RAD54L2: variants seen among roughly 807,000 people sequenced by gnomAD.
RAD54L2 encodes helicase ARIP4.
Under a neutral mutation model 138.4 loss-of-function variants are expected in RAD54L2, and 27 were observed. The observed-to-expected ratio is 0.20, with a 90% CI of 0.14 to 0.27. The LOEUF (loss-of-function observed/expected upper bound fraction) is 0.27, where lower values mean the gene tolerates loss of function less well. RAD54L2 is among the 10% of genes least tolerant of loss of function. The pLI, the probability that RAD54L2 is intolerant of heterozygous loss-of-function variation, is 1.00. For synonymous variants in RAD54L2, 644 were observed against 723.2 expected (o/e 0.89, Z 1.76); for missense variants, 1,396 against 1,890.2 (o/e 0.74, Z 4.85).
intron 2 of RAD54L2, among the ~76,000 whole-genome samples, chr3:51,567,847 C>CCCTCA (rs1484044441): frequency 2.7e-5 from 4 of 149,700 alleles, no homozygotes; most frequent in Non-Finnish European, 5.9e-5. Context: ...AGGAATAAGG[C>CCCTCA]AGGAGAATCC....
chr3:51,573,440 AATCT>A (rs1442251746), intron 2 of RAD54L2, among the ~76,000 whole-genome samples: 1 of 151,706 alleles, frequency 6.6e-6, no homozygotes, highest in African/African-American at 2.4e-5. Context: ...TTATATTTCA[AATCT>A]ATCTATTTTT....
At chr3:51,650,452 G>A (rs1006439438) in intron 19 of RAD54L2, among the ~76,000 whole-genome samples, 6 of 152,172 alleles carry the variant, frequency 3.9e-5, no homozygotes, top group Admixed American at 1.3e-4. Context: ...GACATCTACA[G>A]AATTCTCCAC....
chr3:51,548,251 C>T (rs956009844), intron 2 of RAD54L2, among the ~76,000 whole-genome samples: 3 of 151,804 alleles, frequency 2.0e-5, no homozygotes, highest in African/African-American at 4.8e-5. Flanking sequence ...TGCAGTGGCA[C>T]GATCTCAGCT....
intron 7 of RAD54L2, among the ~76,000 whole-genome samples, chr3:51,632,746 G>C (rs1217049777): frequency 2.0e-5 from 3 of 152,078 alleles, no homozygotes; most frequent in Admixed American, 2.0e-4. Context: ...ACAAAAATTA[G>C]GTGGGCATGG....
Position 51,638,275 on chromosome 3 carries a change from G to T in RAD54L2, c.1814G>T (p.Gly605Val). The T allele has an allele frequency of 6.2e-7, 1 of 1,614,034 alleles. No homozygotes were observed. Among genetic ancestry groups the T allele is most frequent in the Non-Finnish European group, 8.5e-7 (1 of 1,179,896 alleles). The change falls in exon 12 of 23, where the codon GGT (glycine) becomes GTT (valine). Residue 605 changes from glycine to valine, a missense_variant. Physicochemically the swap from Gly to Val is moderately radical, Grantham distance 109. Coordinates refer to ENST00000684192, the MANE Select transcript of RAD54L2 (RefSeq NM_015106.4). The surrounding 1 kb of genome is among the most constrained non-coding windows in gnomAD (Gnocchi z 4.3). ...CGCTTCCGGGACTGTGGTAGCAGCG[G>T]TTGGCTGGGGCTGAACCCCCTTAAG... ...MDRFRDCGSS[G>V]WLGLNPLKAF...
At chr3:51,577,630 G>A (rs1447619923) in intron 2 of RAD54L2, among the ~76,000 whole-genome samples, 1 of 152,070 alleles carries the variant, frequency 6.6e-6, no homozygotes, top group Non-Finnish European at 1.5e-5. Flanking sequence ...GATCTTTGTT[G>A]GTTTAAAGTC....
intron 15 of RAD54L2, among the ~76,000 whole-genome samples, chr3:51,643,598 G>A (rs1013169809): frequency 2.6e-5 from 4 of 152,246 alleles, no homozygotes; most frequent in Admixed American, 1.3e-4. Flanking sequence ...TATACATTCC[G>A]AAGTCTAGGA....
intron 21 of RAD54L2, among the ~76,000 whole-genome samples, chr3:51,658,538 T>A (rs1024695669): frequency 1.3e-5 from 2 of 152,174 alleles, no homozygotes; most frequent in African/African-American, 2.4e-5. Flanking sequence ...TCTAAGCCTG[T>A]TTTTTTCCCC....
chr3:51,579,283 G>C (rs193093789), intron 2 of RAD54L2, among the ~76,000 whole-genome samples: 1 of 151,798 alleles, frequency 6.6e-6, no homozygotes. Flanking sequence ...GTGCAGGATG[G>C]GGGGCAGGGC....
At chr3:51,604,185 A>T (rs1452720218) in intron 3 of RAD54L2, among the ~76,000 whole-genome samples, 2 of 152,180 alleles carry the variant, frequency 1.3e-5, no homozygotes, top group African/African-American at 4.8e-5. Flanking sequence ...ATAAACTGGA[A>T]GATGCCATTT....
intron 19 of RAD54L2, among the ~76,000 whole-genome samples, chr3:51,652,067 C>T (rs1322592271): frequency 6.6e-6 from 1 of 152,208 alleles, no homozygotes; most frequent in Non-Finnish European, 1.5e-5. Flanking sequence ...TCTCCTTAAG[C>T]TGATAAGCAA....
At chr3:51,631,091 T>C (rs573901978) in intron 7 of RAD54L2, among the ~76,000 whole-genome samples, 160 bp downstream of exon 7, 1 of 152,344 alleles carries the variant, frequency 6.6e-6, no homozygotes, top group South Asian at 2.1e-4. Context: ...CTTCTAGCAG[T>C]TGATGTTTCA....
intron 3 of RAD54L2, among the ~76,000 whole-genome samples, chr3:51,613,499 C>T (rs1700379669): frequency 1.3e-5 from 2 of 152,018 alleles, no homozygotes; most frequent in South Asian, 2.1e-4. Flanking sequence ...CCGGTCGTGG[C>T]GGCTCACGCC....
chr3:51,574,174 C>G (rs1007733961), intron 2 of RAD54L2, among the ~76,000 whole-genome samples: 4 of 152,154 alleles, frequency 2.6e-5, no homozygotes, highest in African/African-American at 9.6e-5. Context: ...AGGACATGAA[C>G]TCATCTTTTT....
intron 3 of RAD54L2, among the ~76,000 whole-genome samples, chr3:51,600,444 A>G (rs1700056371): frequency 3.9e-5 from 6 of 152,090 alleles, no homozygotes; most frequent in Admixed American, 3.9e-4. Context: ...ATGAGACTCC[A>G]TCACTACAAA....
rs192237966 is a variant in RAD54L2 at position 51,644,428 on chromosome 3, G to A, written c.2450+454G>A. 1.1e-4 allele frequency among the ~76,000 whole-genome samples: 16 copies of A among 152,322 alleles called. No homozygotes were observed. In the East Asian group the frequency reaches 1.2e-3, roughly 11 times the overall value. On this transcript the variant is annotated intron_variant, in intron 16 of 22. Coordinates refer to ENST00000684192, the MANE Select transcript of RAD54L2 (RefSeq NM_015106.4). ...CCACTGCAATCCAGCCTAAGCGACA[G>A]AGTGAGACCCTGTCTCATTTAAAAA...
intron 3 of RAD54L2, among the ~76,000 whole-genome samples, chr3:51,605,704 G>A (rs564579157): frequency 1.1e-3 from 172 of 152,086 alleles, no homozygotes; most frequent in African/African-American, 4.0e-3. Context: ...CACCCGCCTC[G>A]GCCTCCCAAA....
In RAD54L2 at chr3:51,668,606, A is replaced by G. The variant is rs2106874511; in HGVS notation, c.*5186A>G. ...AAACAGAACAATTGTAAGTCAGTAT[A>G]ACTGCCTATCAGTTTTCTTTATTTC... On this transcript the variant is annotated 3_prime_UTR_variant, in exon 23 of 23. Coordinates refer to ENST00000684192, the MANE Select transcript of RAD54L2 (RefSeq NM_015106.4). 1 of 152,356 alleles carries G rather than the reference A, an allele frequency of 6.6e-6. No homozygotes were observed. The highest frequency in any genetic ancestry group is 6.5e-5 in the Admixed American group (1 of 15,312). The allele number at this position is 152,356 out of a possible 1,614,324, so 9.4% of individuals were successfully genotyped here.
chr3:51,660,412 C>T (rs535047495), intron 22 of RAD54L2, among the ~76,000 whole-genome samples: 35 of 148,594 alleles, frequency 2.4e-4, no homozygotes, highest in Middle Eastern at 3.6e-3. Flanking sequence ...GGGTTCATGC[C>T]GTTCTCCTGC....
Sources: gnomAD v4.1 joint callset for allele counts (sites outside exome capture counted in the v4.1 genomes callset) on GRCh38, gnomAD v4.1.1 for gene constraint, Gnocchi (gnomAD v3.1) non-coding constraint, MANE v1.5 for transcripts, NCBI Gene and HGNC (gene_info 2026-07-23, HGNC 2026-07-21) for gene names.